The following CACNA1C variants were observed in gnomAD, a reference collection of about 807,000 sequenced individuals.
The protein encoded by CACNA1C is calcium voltage-gated channel subunit alpha1 C, also known as voltage-dependent L-type calcium channel subunit alpha-1C.
Under a neutral mutation model 229.0 loss-of-function variants are expected in CACNA1C, and 30 were observed. The ratio of observed to expected loss-of-function variants is 0.13; its 90% confidence interval spans 0.10 to 0.18. The LOEUF is 0.18. CACNA1C is among the 10% of genes least tolerant of loss of function. The pLI, the probability that CACNA1C is intolerant of heterozygous loss-of-function variation, is 1.00. For synonymous variants in CACNA1C, 1,114 were observed against 1,132.5 expected (o/e 0.98, Z 0.33); for missense variants, 1,658 against 2,845.0 (o/e 0.58, Z 9.49).
chr12:2,651,815 G>A lies in CACNA1C; in HGVS notation c.4074+47G>A, dbSNP rs375305702. The stretch of plus-strand genomic sequence containing the variant: ...CGGCCCGGGGAATCGCAGGGCTGCC[G>A]CGTGGCCCAGAACACAGCTGACACA... On this transcript the variant is annotated intron_variant, in intron 32 of 46. Transcript: ENST00000399655. The surrounding 1 kb of genome is among the most constrained non-coding windows in gnomAD (Gnocchi z 5.4). 4.4e-4 allele frequency: 644 copies of A among 1,475,328 alleles called. No homozygotes were observed. The highest frequency in any genetic ancestry group is 5.7e-4 in the Non-Finnish European group (619 of 1,081,270). The allele number at this position is 1,475,328 out of a possible 1,614,324, so 91.4% of individuals were successfully genotyped here.
chr12:2,588,387 A>T (rs1458437991), intron 18 of CACNA1C, among the ~76,000 whole-genome samples: 1 of 152,144 alleles, frequency 6.6e-6, no homozygotes, highest in Non-Finnish European at 1.5e-5. Flanking sequence ...GGTGTCAGGG[A>T]GCACACTGCC....
chr12:2,536,236 A>G (rs2239113), intron 9 of CACNA1C, among the ~76,000 whole-genome samples: 52,444 of 151,838 alleles, frequency 0.35, 10,272 homozygotes, highest in African/African-American at 0.54. Context: ...GAAAATGAGA[A>G]CAAATCGTGA....
chr12:2,594,879 G>T (rs2067330904), intron 19 of CACNA1C, among the ~76,000 whole-genome samples: 1 of 152,168 alleles, frequency 6.6e-6, no homozygotes, highest in Non-Finnish European at 1.5e-5. Flanking sequence ...AGGCTTTCCT[G>T]CCCCACCTCA....
chr12:2,624,236 G>A (rs564732787), intron 29 of CACNA1C, among the ~76,000 whole-genome samples: 2 of 152,290 alleles, frequency 1.3e-5, no homozygotes, highest in South Asian at 2.1e-4. Context: ...ACCATGATTC[G>A]GGGAGGTAAA....
intron 1 of CACNA1C, among the ~76,000 whole-genome samples, chr12:2,106,839 G>T (rs1370160775): frequency 5.3e-5 from 4 of 75,006 alleles, no homozygotes; most frequent in Admixed American, 1.4e-4. Context: ...TGGGCGTCCT[G>T]AAGCCACTGG....
At chr12:1,974,515 T>C (rs766563887) in intron 1 of CACNA1C, among the ~76,000 whole-genome samples, 3 of 152,304 alleles carry the variant, frequency 2.0e-5, no homozygotes, top group South Asian at 2.1e-4. Context: ...CTCTACCATA[T>C]ACCATTCTTC....
In CACNA1C at chr12:2,601,147, T is replaced by C. The variant is rs1055514782; in HGVS notation, c.2854-707T>C. 2.0e-5 allele frequency among the ~76,000 whole-genome samples: 3 copies of C among 152,170 alleles called. No individual in the cohort carries two copies. Among genetic ancestry groups the C allele is most frequent in the Non-Finnish European group, 2.9e-5 (2 of 68,024 alleles). ...CCCTTAAAGAACTCCAGATGTAGTCTAGAAGCAGGACAGTAGAATTGAGTT... is the reference window on the plus strand; with the variant it reads ...CCCTTAAAGAACTCCAGATGTAGTCCAGAAGCAGGACAGTAGAATTGAGTT... On this transcript the variant is annotated intron_variant, in intron 21 of 46. Coordinates refer to ENST00000399655, the MANE Select transcript of CACNA1C (RefSeq NM_000719.7). This position sits in a 1 kb window ranked among gnomAD's most constrained non-coding sequence, Gnocchi z 5.9.
rs550150323 is a variant in CACNA1C at position 2,416,366 on chromosome 12, AAAGG to A, written c.478-32604_478-32601del. On this transcript the variant is annotated intron_variant, in intron 3 of 46. Transcript: ENST00000399655. ...AAAGAATGGAAGGAGTGGTGGAAGA[AAAGG>A]AAGGAGGGAAGGAAGGAGGGAGGAA... Among the ~76,000 whole-genome samples the A allele has an allele frequency of 2.9e-4, 44 of 152,250 alleles. 1 individual carries two copies. In the South Asian group the frequency reaches 9.1e-3, roughly 32 times the overall value.
chr12:2,339,959 A>T (rs555408170), intron 3 of CACNA1C, among the ~76,000 whole-genome samples: 9 of 122,438 alleles, frequency 7.4e-5, no homozygotes, highest in African/African-American at 2.6e-4. Context: ...ATATTTTTTT[A>T]AAAAAGAATC....
intron 3 of CACNA1C, among the ~76,000 whole-genome samples, chr12:2,336,285 C>G (rs2096693216): frequency 6.6e-6 from 1 of 152,188 alleles, no homozygotes; most frequent in Non-Finnish European, 1.5e-5. Flanking sequence ...TTGCCGATTT[C>G]CAAAGGAATT....
At chr12:2,339,279 T>C (rs1429426086) in intron 3 of CACNA1C, among the ~76,000 whole-genome samples, 1 of 152,242 alleles carries the variant, frequency 6.6e-6, no homozygotes, top group Non-Finnish European at 1.5e-5. Flanking sequence ...AAGTACAGTA[T>C]AAAAGATTAA....
intron 30 of CACNA1C, among the ~76,000 whole-genome samples, chr12:2,638,757 G>A (rs529573675): frequency 2.0e-5 from 3 of 152,338 alleles, no homozygotes; most frequent in Non-Finnish European, 4.4e-5. Context: ...GGACTGGGAG[G>A]TTTGGCCTAA....
intron 3 of CACNA1C, among the ~76,000 whole-genome samples, chr12:2,200,327 C>G (rs1284844071): frequency 1.3e-5 from 2 of 152,186 alleles, no homozygotes; most frequent in Non-Finnish European, 2.9e-5. Flanking sequence ...GTGTCAGGCA[C>G]TATTCTAGAG....
intron 3 of CACNA1C, among the ~76,000 whole-genome samples, chr12:2,345,224 G>C (rs1343170431): frequency 6.6e-6 from 1 of 151,962 alleles, no homozygotes; most frequent in South Asian, 2.1e-4. Flanking sequence ...GAATGTGAGA[G>C]AGTCTATGGG....
chr12:2,368,817 A>T (rs148761739), intron 3 of CACNA1C, among the ~76,000 whole-genome samples: 10 of 152,340 alleles, frequency 6.6e-5, no homozygotes, highest in African/African-American at 2.4e-4. Context: ...GCTTAGAAAA[A>T]TAATTCTAGA....
intron 3 of CACNA1C, among the ~76,000 whole-genome samples, chr12:2,375,039 T>C (rs1206036357): frequency 6.6e-6 from 1 of 152,204 alleles, no homozygotes; most frequent in East Asian, 1.9e-4. Flanking sequence ...AGAGATAAGA[T>C]TATTGCTCCA....
At position 2,348,734 on chromosome 12, in the gene CACNA1C, G is replaced by A. The variant is rs7304137; in HGVS notation, c.478-100242G>A. 0.072 allele frequency among the ~76,000 whole-genome samples: 11,008 copies of A among 152,138 alleles called. 1,331 individuals are homozygous for A. Among genetic ancestry groups the A allele is most frequent in the African/African-American group, 0.25 (10,212 of 41,472 alleles). On this transcript the variant is annotated intron_variant, in intron 3 of 46. Coordinates refer to ENST00000399655, the MANE Select transcript of CACNA1C (RefSeq NM_000719.7). The surrounding 1 kb of genome is among the most constrained non-coding windows in gnomAD (Gnocchi z 4.7). ...CTGGAGAAGGAGCTGGGAATGTCTC[G>A]GGGGAAAGGTTCCTTCCTCGGGAAC...
intron 1 of CACNA1C, among the ~76,000 whole-genome samples, chr12:1,972,440 C>A (rs987691852): frequency 2.6e-5 from 4 of 152,106 alleles, no homozygotes; most frequent in Non-Finnish European, 5.9e-5. Context: ...TGGTAGTACA[C>A]ATGCACACAC....
In CACNA1C at chr12:2,187,286, G is replaced by A. The variant is rs539097693; in HGVS notation, c.477+66856G>A. Among the ~76,000 whole-genome samples the A allele has an allele frequency of 2.6e-5, 4 of 152,306 alleles. No homozygotes were observed. The South Asian group carries it at 6.2e-4, about 24-fold the overall frequency. ...TGTGGTGGAGCTAGGACCCAGTCGAGGCTCGGAGTTCTAATCCACCAGTCT... is the reference window on the plus strand; with the variant it reads ...TGTGGTGGAGCTAGGACCCAGTCGAAGCTCGGAGTTCTAATCCACCAGTCT... On this transcript the variant is annotated intron_variant, in intron 3 of 46. Transcript: ENST00000399655.
Sources: gnomAD v4.1 joint callset for allele counts (sites outside exome capture counted in the v4.1 genomes callset) on GRCh38, gnomAD v4.1.1 for gene constraint, Gnocchi (gnomAD v3.1) non-coding constraint, MANE v1.5 for transcripts, NCBI Gene and HGNC (gene_info 2026-07-23, HGNC 2026-07-21) for gene names.